Variants in ST7 observed in about 807,000 individuals in gnomAD.
ST7 encodes the protein suppression of tumorigenicity 7.
ST7 carries 28 observed loss-of-function variants against 78.7 expected under a neutral mutation model. The observed-to-expected ratio is 0.36, with a 90% CI of 0.26 to 0.49. The LOEUF is 0.49. Ranked by LOEUF, ST7 falls within the 20% of genes least tolerant of loss-of-function variation. ST7 has a pLI of 0.99. For missense variants in ST7, 418 were observed against 696.0 expected, an observed-to-expected ratio of 0.60 and a Z score of 4.49; for synonymous variants, 247 against 249.6, an observed-to-expected ratio of 0.99 and a Z score of 0.10.
intron 2 of ST7, chr7:117,118,116 A>T (rs7807852): frequency 9.1e-4 from 139 of 153,272 alleles, no homozygotes; most frequent in African/African-American, 3.2e-3. Context: ...CACTTTAAAA[A>T]TTTGAAAATC....
chr7:117,022,698 A>T (rs770969907), intron 1 of ST7, among the ~76,000 whole-genome samples: 1 of 152,176 alleles, frequency 6.6e-6, no homozygotes, highest in Non-Finnish European at 1.5e-5. Flanking sequence ...TCTATTCTGT[A>T]TACAGTACTG....
chr7:116,973,892 G>A (rs560477948), intron 1 of ST7, among the ~76,000 whole-genome samples: 2 of 152,282 alleles, frequency 1.3e-5, no homozygotes, highest in South Asian at 4.1e-4. Flanking sequence ...GTAAATTAAT[G>A]CTGCATGGAC....
chr7:117,212,354 TA>T (rs996956723), intron 13 of ST7, among the ~76,000 whole-genome samples: 42 of 152,302 alleles, frequency 2.8e-4, no homozygotes, highest in African/African-American at 9.9e-4. Context: ...AGCCAGGATG[TA>T]AACCCAAGGT....
chr7:117,219,231 G>C lies in ST7; in HGVS notation c.1498+55G>C. 4 of 1,402,796 alleles carry C rather than the reference G, an allele frequency of 2.9e-6. No individual in the cohort carries two copies. Among genetic ancestry groups the C allele is most frequent in the Non-Finnish European group, 4.0e-6 (4 of 1,006,194 alleles). 86.9% of individuals were successfully genotyped at this position (1,402,796 alleles called of 1,614,324 possible). A position where few individuals can be genotyped will look rare whatever the true frequency, so the allele number is the denominator to read the frequency against. The stretch of plus-strand genomic sequence containing the variant: ...GGTGTGTGGTGAAAGGTGGGGATTG[G>C]AAGAGGTGGGAATATCAAAGTTTAG... On this transcript the variant is annotated intron_variant, in intron 14 of 15. Coordinates refer to ENST00000323984, the MANE Select transcript of ST7 (RefSeq NM_001369598.1). The surrounding 1 kb of genome is among the most constrained non-coding windows in gnomAD (Gnocchi z 5.1).
At chr7:117,195,433 A>G (rs917167735) in intron 12 of ST7, among the ~76,000 whole-genome samples, 1 of 152,212 alleles carries the variant, frequency 6.6e-6, no homozygotes, top group African/African-American at 2.4e-5. Context: ...TTAGGTGTAC[A>G]GTACAATCTT....
chr7:117,188,261 A>C (rs1217713378), intron 10 of ST7, among the ~76,000 whole-genome samples: 1 of 152,052 alleles, frequency 6.6e-6, no homozygotes, highest in African/African-American at 2.4e-5. Context: ...TTTCATTTCT[A>C]CTTTACTGTA....
At chr7:116,998,819 A>G (rs985617428) in intron 1 of ST7, among the ~76,000 whole-genome samples, 1 of 152,226 alleles carries the variant, frequency 6.6e-6, no homozygotes, top group African/African-American at 2.4e-5. Context: ...GATAGAGAAT[A>G]ATGGGCATAT....
At chr7:117,184,071 G>A (rs1809018354) in intron 10 of ST7, 1 of 152,224 alleles carries the variant, frequency 6.6e-6, no homozygotes, top group South Asian at 2.1e-4. Flanking sequence ...AGGCTTTCAT[G>A]ACAATTTGAT....
chr7:117,202,996 C>T (rs1470390944), intron 12 of ST7, among the ~76,000 whole-genome samples: 2 of 152,202 alleles, frequency 1.3e-5, no homozygotes, highest in African/African-American at 2.4e-5. Context: ...AAAAAATCAG[C>T]TCTCTGTATA....
At chr7:117,081,560 G>A (rs1005339085) in intron 1 of ST7, among the ~76,000 whole-genome samples, 2 of 152,002 alleles carry the variant, frequency 1.3e-5, no homozygotes, top group Admixed American at 6.6e-5. Flanking sequence ...GTTTATCTGA[G>A]ACATAATGAT....
intron 1 of ST7, among the ~76,000 whole-genome samples, chr7:117,041,408 G>T (rs974764236): frequency 3.3e-5 from 5 of 152,156 alleles, no homozygotes; most frequent in African/African-American, 2.4e-5. Flanking sequence ...TAAGACAGTG[G>T]TATGGATACT....
chr7:116,972,035 G>C (rs1185484123), intron 1 of ST7: 1 of 459,186 alleles, frequency 2.2e-6, no homozygotes, highest in South Asian at 1.8e-5. Flanking sequence ...GGGGAGGAGC[G>C]GGAGGCAAAA....
chr7:117,215,123 A>G (rs1451171272), intron 13 of ST7, among the ~76,000 whole-genome samples: 1 of 152,140 alleles, frequency 6.6e-6, no homozygotes, highest in Non-Finnish European at 1.5e-5. Flanking sequence ...ATTTCAGAGT[A>G]GAACATCATT....
chr7:116,972,320 C>T (rs1793467953), intron 1 of ST7: 6 of 588,968 alleles, frequency 1.0e-5, no homozygotes, highest in South Asian at 1.7e-5. Flanking sequence ...GCCTCTCCCT[C>T]CTTGAATTTA....
chr7:117,026,368 T>C (rs1410281439), intron 1 of ST7, among the ~76,000 whole-genome samples: 1 of 152,204 alleles, frequency 6.6e-6, no homozygotes, highest in African/African-American at 2.4e-5. Flanking sequence ...TTGATATCCT[T>C]CCATTTTTTC....
intron 9 of ST7, among the ~76,000 whole-genome samples, chr7:117,149,001 G>A (rs888537110): frequency 6.6e-6 from 1 of 152,178 alleles, no homozygotes; most frequent in Non-Finnish European, 1.5e-5. Flanking sequence ...CAATGCATGC[G>A]ATGACCAGGG....
At chr7:116,963,047 C>T (rs1251740054) in intron 1 of ST7, among the ~76,000 whole-genome samples, 5 of 152,166 alleles carry the variant, frequency 3.3e-5, no homozygotes, top group Non-Finnish European at 7.4e-5. Context: ...TAGGTCTTTT[C>T]CTCAGAAGGC....
intron 10 of ST7, among the ~76,000 whole-genome samples, chr7:117,185,018 TG>T (rs1264798442): frequency 2.6e-5 from 4 of 152,116 alleles, no homozygotes; most frequent in Non-Finnish European, 5.9e-5. Flanking sequence ...GAGGTGGGAA[TG>T]AAAGAGGAGG....
chr7:117,055,360 A>G (rs982262519), intron 1 of ST7, among the ~76,000 whole-genome samples: 1 of 151,890 alleles, frequency 6.6e-6, no homozygotes, highest in Non-Finnish European at 1.5e-5. Flanking sequence ...ATGACACCAC[A>G]CCTGGCTAAT....
Sources: gnomAD v4.1 joint callset for allele counts (sites outside exome capture counted in the v4.1 genomes callset) on GRCh38, gnomAD v4.1.1 for gene constraint, Gnocchi (gnomAD v3.1) non-coding constraint, MANE v1.5 for transcripts, NCBI Gene and HGNC (gene_info 2026-07-23, HGNC 2026-07-21) for gene names.